The following FMN1 variants were observed in gnomAD, a reference collection of about 807,000 sequenced individuals.
The protein encoded by FMN1 is formin 1.
In FMN1, 110 loss-of-function variants were observed where a neutral mutation model predicts 132.4. The ratio of observed to expected loss-of-function variants is 0.83; its 90% CI spans 0.71 to 0.97. The LOEUF (loss-of-function observed/expected upper bound fraction) is 0.97, where lower values mean the gene tolerates loss of function less well. Among genes scored for constraint, FMN1 ranks in the 50% least tolerant of loss-of-function variants. FMN1 has a pLI of 0.00. For missense variants in FMN1, 1,792 were observed against 1,705.3 expected, an observed-to-expected ratio of 1.05 and a Z score of -0.90; for synonymous variants, 722 against 651.7, an observed-to-expected ratio of 1.11 and a Z score of -1.64.
intron 8 of FMN1, among the ~76,000 whole-genome samples, chr15:32,965,066 C>G (rs2031068245): frequency 6.6e-6 from 1 of 152,140 alleles, no homozygotes; most frequent in South Asian, 2.1e-4. Flanking sequence ...GAACACATCT[C>G]CCAAATGTTT....
chr15:33,045,144 TG>T (rs1477200214), intron 6 of FMN1, among the ~76,000 whole-genome samples: 1 of 152,212 alleles, frequency 6.6e-6, no homozygotes, highest in Admixed American at 6.5e-5. Flanking sequence ...ATGCCAGCCG[TG>T]GAAGCTGCTT....
intron 4 of FMN1, among the ~76,000 whole-genome samples, chr15:33,122,202 C>A (rs865791139): frequency 3.9e-5 from 6 of 152,224 alleles, no homozygotes; most frequent in African/African-American, 1.4e-4. Flanking sequence ...ATTGAAAACT[C>A]TGACCTATAG....
intron 6 of FMN1, among the ~76,000 whole-genome samples, chr15:33,046,631 T>C (rs1033810026): frequency 2.6e-5 from 4 of 152,174 alleles, no homozygotes; most frequent in Middle Eastern, 3.2e-3. Context: ...TGATGCAGGA[T>C]GGACCCCAGA....
At chr15:32,861,975 TC>T (rs2141320195) in intron 16 of FMN1, among the ~76,000 whole-genome samples, 1 of 152,308 alleles carries the variant, frequency 6.6e-6, no homozygotes, top group South Asian at 2.1e-4. Context: ...GGGCTGGGAT[TC>T]CCACGTGGCC....
intron 17 of FMN1, among the ~76,000 whole-genome samples, chr15:32,844,255 A>G (rs2058809744): frequency 1.3e-5 from 2 of 152,168 alleles, no homozygotes; most frequent in Admixed American, 6.5e-5. Flanking sequence ...ATCTTTTTCC[A>G]TCATTTTTAG....
chr15:33,171,068 A>T (rs1965301283), intron 3 of FMN1, among the ~76,000 whole-genome samples: 1 of 152,190 alleles, frequency 6.6e-6, no homozygotes, highest in Non-Finnish European at 1.5e-5. Flanking sequence ...AAATCATGTC[A>T]TTTGCAACAA....
chr15:33,081,333 A>G (rs72721471), intron 5 of FMN1, among the ~76,000 whole-genome samples: 18,677 of 152,246 alleles, frequency 0.12, 1,266 homozygotes, highest in Non-Finnish European at 0.15. Context: ...AAAAATTGAT[A>G]TACGTATTTT....
chr15:33,188,775 A>G (rs1238875183), intron 2 of FMN1, among the ~76,000 whole-genome samples: 1 of 152,078 alleles, frequency 6.6e-6, no homozygotes, highest in East Asian at 1.9e-4. Flanking sequence ...GTTACTTCCT[A>G]AAGAGAAGTT....
Position 33,072,798 on chromosome 15 carries a change from C to A in FMN1, c.2044-7724G>T, listed in dbSNP as rs535845247. ...ATTAGCCAGGCATGGTGGTGGGCAC[C>A]TGTAATCCCATCTACTTGGGAGGCT... On this transcript the variant is annotated intron_variant, in intron 5 of 20. Coordinates refer to ENST00000616417, the MANE Select transcript of FMN1 (RefSeq NM_001277313.2). 6.6e-5 allele frequency among the ~76,000 whole-genome samples: 10 copies of A among 152,120 alleles called. 1 individual carries two copies. In the South Asian group the frequency reaches 1.9e-3, roughly 28 times the overall value.
At chr15:33,109,499 CTACA>C (rs2039614631) in intron 4 of FMN1, among the ~76,000 whole-genome samples, 1 of 151,994 alleles carries the variant, frequency 6.6e-6, no homozygotes, top group Admixed American at 6.6e-5. Flanking sequence ...CCATGGAATA[CTACA>C]CAGCCATAAA....
intron 7 of FMN1, 88 bp from the exon 8 acceptor site, chr15:32,969,565 C>T: frequency 7.1e-6 from 10 of 1,411,336 alleles, no homozygotes; most frequent in South Asian, 1.3e-5. Context: ...CATCATGGTG[C>T]CACTGTAGCA....
chr15:32,977,926 G>A (rs2032344867), intron 7 of FMN1, among the ~76,000 whole-genome samples: 1 of 150,124 alleles, frequency 6.7e-6, no homozygotes, highest in South Asian at 2.1e-4. Flanking sequence ...GCACAATCTC[G>A]GCTCACTGCA....
chr15:33,153,192 A>G lies in FMN1; in HGVS notation c.1723T>C (p.Ser575Pro), dbSNP rs1480695718. Residue 575 changes from serine to proline, a missense_variant, in exon 4 of 21, where the codon TCC (serine) becomes CCC (proline). Coordinates refer to ENST00000616417, the MANE Select transcript of FMN1 (RefSeq NM_001277313.2). ...TTGGTCTCCGTGACCTTTGCAGAGG[A>G]TGGTGGCTCCAAGGTGTCAGCAGAG... ...CVSADTLEPP[S>P]SAKVTETKGA... is the part of the protein sequence containing the mutation. 5 of 1,536,020 alleles carry G rather than the reference A, an allele frequency of 3.3e-6. No homozygotes were observed. In the South Asian group the frequency reaches 5.9e-5, roughly 18 times the overall value.
At chr15:32,908,446 C>T (rs373462889) in intron 12 of FMN1, 44 bp downstream of exon 12, 2 of 1,253,644 alleles carry the variant, frequency 1.6e-6, no homozygotes, top group Non-Finnish European at 2.3e-6. Context: ...ACAGAAATTG[C>T]AGTTCTCCTT....
intron 4 of FMN1, among the ~76,000 whole-genome samples, chr15:33,142,150 ATAAAG>A (rs921239544): frequency 8.5e-5 from 13 of 152,242 alleles, no homozygotes; most frequent in Admixed American, 4.6e-4. Flanking sequence ...ATCAGACTCT[ATAAAG>A]TACAGAAGCA....
At chr15:33,136,459 A>G (rs1963770218) in intron 4 of FMN1, among the ~76,000 whole-genome samples, 1 of 152,248 alleles carries the variant, frequency 6.6e-6, no homozygotes, top group East Asian at 1.9e-4. Context: ...AAATAGGACT[A>G]TGGAATAGTT....
At chr15:33,079,397 A>G (rs754218682) in intron 5 of FMN1, among the ~76,000 whole-genome samples, 14 of 152,170 alleles carry the variant, frequency 9.2e-5, no homozygotes, top group Non-Finnish European at 1.6e-4. Context: ...TGAGGGAGGG[A>G]GGATCACCTG....
Position 32,962,667 on chromosome 15 carries a change from C to T in FMN1, c.3138+1440G>A, listed in dbSNP as rs1460421561. 8.0e-3 allele frequency among the ~76,000 whole-genome samples: 1,198 copies of T among 149,084 alleles called. 11 individuals carry two copies. The highest frequency in any genetic ancestry group is 0.028 in the African/African-American group (1,124 of 39,854). ...ACAAGAAAAAAACAAACAACCCCAT[C>T]AAAAAGTGGGCGAAGGACATGAACA... On this transcript the variant is annotated intron_variant, in intron 9 of 20. Transcript: ENST00000616417.
chr15:33,043,765 G>A (rs534716894), intron 6 of FMN1, among the ~76,000 whole-genome samples: 138 of 152,364 alleles, frequency 9.1e-4, no homozygotes, highest in Non-Finnish European at 1.5e-3. Flanking sequence ...GTGGGAGCCA[G>A]GAACAGGCAG....
Sources: allele counts gnomAD v4.1 joint callset (sites outside exome capture counted in the v4.1 genomes callset), GRCh38; gene constraint gnomAD v4.1.1; transcripts MANE v1.5; gene names NCBI Gene and HGNC (gene_info 2026-07-23, HGNC 2026-07-21).